CDK16: variants seen among roughly 807,000 people sequenced by gnomAD.
The protein encoded by CDK16 is cyclin dependent kinase 16.
Under a neutral mutation model 41.6 loss-of-function variants are expected in CDK16, and 2 were observed. That is an observed-to-expected ratio of 0.05 (90% CI 0.02 to 0.15). CDK16 has a LOEUF of 0.15. Ranked by LOEUF, CDK16 falls within the 10% of genes least tolerant of loss-of-function variation. The pLI is 1.00. For missense variants in CDK16, 228 were observed against 428.9 expected (o/e 0.53, Z 4.14); for synonymous variants, 169 against 169.7 (o/e 1.00, Z 0.03).
chrX:47,227,087 G>A lies in CDK16; in HGVS notation c.1229G>A (p.Ser410Asn), dbSNP rs1467897588. Residue 410 changes from serine (S) to asparagine (N), a missense_variant, in exon 12 of 16, where the codon AGC becomes AAC. Physicochemically the swap from Ser to Asn is conservative, Grantham distance 46. Coordinates refer to ENST00000357227, the MANE Select transcript of CDK16 (RefSeq NM_006201.5). ...YPKYRAEALL[S>N]HAPRLDSDGA... ...AAGTACCGAGCCGAGGCCCTTTTGA[G>A]CCACGCACCCCGGTGAGGCTGGTGG... The A allele has an allele frequency of 8.3e-7, 1 of 1,211,599 alleles. No individual in the cohort carries two copies. Among genetic ancestry groups the A allele is most frequent in the African/African-American group, 1.7e-5 (1 of 57,907 alleles).
Position 47,224,319 on chromosome X carries a change from G to C in CDK16, c.203-66G>C, listed in dbSNP as rs764359210. On this transcript the variant is annotated intron_variant, in intron 2 of 15. Coordinates refer to ENST00000357227, the MANE Select transcript of CDK16 (RefSeq NM_006201.5). ...TGTGTGATGATGGAATATGTTTCGT[G>C]GGGGATGGGGTGTCCTGTGGTTCCT... 1.7e-5 allele frequency: 19 copies of C among 1,086,443 alleles called. No homozygotes were observed. In the Admixed American group the frequency reaches 5.3e-4, roughly 30 times the overall value. 89.5% of individuals were successfully genotyped at this position (1,086,443 alleles called of 1,213,427 possible).
At chrX:47,228,708 A>G (rs1194159564) in intron 15 of CDK16, 23 bp from the exon 16 acceptor site, 2 of 1,209,084 alleles carry the variant, frequency 1.7e-6, no homozygotes, top group East Asian at 5.9e-5. Flanking sequence ...ACCAACAGCC[A>G]TCTGCTCTGC....
Position 47,218,819 on chromosome X carries a change from C to T in CDK16, c.-293C>T. The stretch of plus-strand genomic sequence containing the variant: ...TCTGTGCCGCGAGCCGCCGTGAGCA[C>T]TCGGATTCAAGCCGGCGCCAACGAG... On this transcript the variant is annotated 5_prime_UTR_variant, in exon 1 of 16. Transcript: ENST00000357227. 1 of 1,145,164 alleles carries T rather than the reference C, an allele frequency of 8.7e-7. No homozygotes were observed. Among genetic ancestry groups the T allele is most frequent in the Non-Finnish European group, 1.2e-6 (1 of 866,592 alleles). The allele number at this position is 1,145,164 out of a possible 1,213,427, so 94.4% of individuals were successfully genotyped here.
chrX:47,220,835 C>G (rs1206726899), intron 1 of CDK16, among the ~76,000 whole-genome samples: 1 of 110,974 alleles, frequency 9.0e-6, no homozygotes, highest in African/African-American at 3.3e-5. Context: ...CCAGTGAGTG[C>G]TAATGTGGGT....
Position 47,223,709 on chromosome X carries a change from C to G in CDK16, c.152C>G (p.Ala51Gly), listed in dbSNP as rs151248551. 34 of 1,208,241 alleles carry G rather than the reference C, an allele frequency of 2.8e-5. No individual in the cohort carries two copies. Among genetic ancestry groups the G allele is most frequent in the Non-Finnish European group, 3.6e-5 (32 of 894,470 alleles). ...GACCCTGGAGAGGCCCCCACACGTG[C>G]TGCTCCTGGGGAACTTCGTTCTGCA... ...GSDPGEAPTR[A>G]APGELRSARG... Residue 51 changes from alanine to glycine, a missense_variant, in exon 2 of 16, where the codon GCT (alanine) becomes GGT (glycine). By Grantham distance (60) the Ala-to-Gly change is moderately conservative. Transcript: ENST00000357227.
intron 1 of CDK16, 137 bp downstream of exon 1, chrX:47,219,242 G>T: frequency 1.6e-6 from 1 of 618,882 alleles, no homozygotes; most frequent in Non-Finnish European, 1.9e-6. Context: ...CGGGGCGGGG[G>T]GTCATTTGGG....
In CDK16 at chrX:47,224,761, C is replaced by T. The variant is rs1482982628; in HGVS notation, c.462+18C>T. ...TCAGCCTAGTAAGCACCTTCTGTTC[C>T]CGTCCTCTCCTTTTTCTTCTCTCCC... On this transcript the variant is annotated intron_variant, in intron 4 of 15. Coordinates refer to ENST00000357227, the MANE Select transcript of CDK16 (RefSeq NM_006201.5). 2.5e-6 allele frequency: 3 copies of T among 1,211,588 alleles called. No individual in the cohort carries two copies. Among genetic ancestry groups the T allele is most frequent in the East Asian group, 3.0e-5 (1 of 33,846 alleles).
chrX:47,219,993 A>G (rs1000666901), intron 1 of CDK16, among the ~76,000 whole-genome samples: 2 of 110,256 alleles, frequency 1.8e-5, no homozygotes, highest in African/African-American at 6.6e-5. Context: ...GTGGTGGGGA[A>G]GTGTCTTAGC....
At chrX:47,222,042 A>G (rs957676861) in intron 1 of CDK16, 2 of 111,774 alleles carry the variant, frequency 1.8e-5, no homozygotes, top group African/African-American at 6.5e-5. Context: ...AAGAGGAAGC[A>G]GAAGACGGCT....
Position 47,218,685 on chromosome X carries a change from T to G in CDK16, c.-427T>G, listed in dbSNP as rs1286271421. The G allele has an allele frequency of 1.7e-6, 2 of 1,164,368 alleles. No homozygotes were observed. Among genetic ancestry groups the G allele is most frequent in the African/African-American group, 3.6e-5 (2 of 55,559 alleles). On this transcript the variant is annotated 5_prime_UTR_variant, in exon 1 of 16. Coordinates refer to ENST00000357227, the MANE Select transcript of CDK16 (RefSeq NM_006201.5). ...CCGAGGTGAGTCCCCTCCTTTCCAC[T>G]TCACCCTTCCGAGCGCCTGCGTGCG...
At chrX:47,222,956 C>CG (rs1937403104) in intron 1 of CDK16, 5 of 766,682 alleles carry the variant, frequency 6.5e-6, no homozygotes, top group Non-Finnish European at 8.5e-6. Flanking sequence ...ACACGCTCCC[C>CG]TCCCCCCCCC....
chrX:47,226,152 G>A (rs1275252912), intron 8 of CDK16, 125 bp downstream of exon 8: 4 of 1,110,140 alleles, frequency 3.6e-6, no homozygotes, highest in Non-Finnish European at 4.9e-6. Context: ...AGGGCACTGG[G>A]ACCCTGTCCT....
Position 47,226,683 on chromosome X carries a change from C to T in CDK16, c.1017C>T (p.Tyr339=). The change falls in exon 10 of 16, where the codon TAC becomes TAT. Residue 339 remains tyrosine, a synonymous_variant. Transcript: ENST00000357227. ...PPDILLGSTD[Y]STQIDMWGVG... ...ACATCCTGCTTGGGTCCACGGACTA[C>T]TCCACTCAGATTGACATGTGGTAAG... 5 of 1,210,789 alleles carry T rather than the reference C, an allele frequency of 4.1e-6. No homozygotes were observed. The highest frequency in any genetic ancestry group is 4.5e-6 in the Non-Finnish European group (4 of 894,370).
Position 47,224,570 on chromosome X carries a change from G to A in CDK16, c.337-48G>A, listed in dbSNP as rs1212923573. On this transcript the variant is annotated intron_variant, in intron 3 of 15. Transcript: ENST00000357227. ...GGAACTGGAAAAGGGGGTTGGACCTGGGGAGGTGGAGCTCATGATCCTGTT... is the reference window on the plus strand; with the variant it reads ...GGAACTGGAAAAGGGGGTTGGACCTAGGGAGGTGGAGCTCATGATCCTGTT... 3.3e-6 allele frequency: 4 copies of A among 1,207,902 alleles called. No individual in the cohort carries two copies. The African/African-American group carries it at 5.3e-5, about 16-fold the overall frequency.
At chrX:47,227,332 C>G (rs375049934) in intron 13 of CDK16, 47 bp from the exon 14 acceptor site, 7 of 1,121,825 alleles carry the variant, frequency 6.2e-6, no homozygotes, top group Non-Finnish European at 8.5e-6. Context: ...GAGAGACCTA[C>G]TTGTTGAAGA....
intron 1 of CDK16, chrX:47,222,957 TCCC>T: frequency 1.6e-5 from 4 of 244,949 alleles, no homozygotes; most frequent in Non-Finnish European, 2.3e-5. Flanking sequence ...CACGCTCCCC[TCCC>T]CCCCCCCACC....
intron 1 of CDK16, 66 bp from the exon 2 acceptor site, chrX:47,223,486 A>G: frequency 9.0e-7 from 1 of 1,107,318 alleles, no homozygotes; most frequent in Admixed American, 2.4e-5. Context: ...TGTGGGCTTT[A>G]GGGAACCCAT....
rs1367806386 is a variant in CDK16 at position 47,223,773 on chromosome X, C to T, written c.202+14C>T. 2.5e-6 allele frequency: 3 copies of T among 1,185,525 alleles called. No homozygotes were observed. The highest frequency in any genetic ancestry group is 6.0e-5 in the East Asian group (2 of 33,286). ...GCTCTGCACCAGGTGGGTCCACTGG[C>T]TATCCCCTCTCCCATATGGCCCCAG... is the stretch of plus-strand genomic sequence containing the variant. On this transcript the variant is annotated intron_variant, in intron 2 of 15. Coordinates refer to ENST00000357227, the MANE Select transcript of CDK16 (RefSeq NM_006201.5).
chrX:47,228,762 G>A lies in CDK16; in HGVS notation c.1485G>A (p.Glu495=). 2.5e-6 allele frequency: 3 copies of A among 1,210,466 alleles called. No homozygotes were observed. Among genetic ancestry groups the A allele is most frequent in the Non-Finnish European group, 3.4e-6 (3 of 894,761 alleles). ...CAGCTTTCCGCGTGGTGGACACCGA[G>A]TTCTAAGCCACAGACCGAGGCCCCA... ...GRPAFRVVDT[E]F is the part of the protein sequence containing the mutation. Residue 495 remains glutamate (E), a synonymous_variant, in exon 16 of 16, where the codon GAG becomes GAA. Coordinates refer to ENST00000357227, the MANE Select transcript of CDK16 (RefSeq NM_006201.5).
Sources: gnomAD v4.1 joint callset for allele counts (sites outside exome capture counted in the v4.1 genomes callset) on GRCh38, gnomAD v4.1.1 for gene constraint, MANE v1.5 for transcripts, NCBI Gene and HGNC (gene_info 2026-07-23, HGNC 2026-07-21) for gene names.